The following ZNF761 variants were observed in gnomAD, a reference collection of about 807,000 sequenced individuals.
ZNF761 encodes the protein zinc finger protein 761.
Under a neutral mutation model 59.9 loss-of-function variants are expected in ZNF761, and 43 were observed. The ratio of observed to expected loss-of-function variants is 0.72; its 90% CI spans 0.56 to 0.92. The LOEUF (loss-of-function observed/expected upper bound fraction) is 0.92. Among genes scored for constraint, ZNF761 ranks in the 40% least tolerant of loss-of-function variants. The pLI is 0.00. For missense variants in ZNF761, 850 were observed against 906.1 expected (o/e 0.94, Z 0.79); for synonymous variants, 294 against 304.8 (o/e 0.96, Z 0.37).
intron 3 of ZNF761, 27 bp downstream of exon 3, chr19:53,447,310 T>C (rs1389031626): frequency 1.9e-6 from 3 of 1,611,800 alleles, no homozygotes; most frequent in Non-Finnish European, 2.5e-6. Flanking sequence ...AGTGGATTGT[T>C]CTGTCTCCTT....
At chr19:53,452,783 A>G (rs1485921496) in intron 4 of ZNF761, among the ~76,000 whole-genome samples, 1 of 152,196 alleles carries the variant, frequency 6.6e-6, no homozygotes, top group Non-Finnish European at 1.5e-5. Context: ...TTATGAAAGC[A>G]CAAGTCCTAT....
At chr19:53,434,629 T>C (rs1255423230) in intron 1 of ZNF761, among the ~76,000 whole-genome samples, 3 of 152,196 alleles carry the variant, frequency 2.0e-5, no homozygotes, top group Admixed American at 2.0e-4. Context: ...TTCCAGTGAG[T>C]CTGTAAAAGC....
chr19:53,450,027 G>A (rs1052575274), intron 4 of ZNF761: 19 of 439,988 alleles, frequency 4.3e-5, no homozygotes, highest in East Asian at 1.0e-4. Flanking sequence ...ATGTGTGGCC[G>A]GGCTTGGTGG....
chr19:53,447,886 T>G (rs1417613309), intron 3 of ZNF761, among the ~76,000 whole-genome samples: 1 of 152,210 alleles, frequency 6.6e-6, no homozygotes, highest in Non-Finnish European at 1.5e-5. Context: ...TAGCAGGAGA[T>G]TCATTAAACC....
At position 53,456,437 on chromosome 19, in the gene ZNF761, C is replaced by T. The variant is rs752661491; in HGVS notation, c.1930C>T (p.Arg644Cys). 10 of 1,607,600 alleles carry T rather than the reference C, an allele frequency of 6.2e-6. No individual in the cohort carries two copies. The highest frequency in any genetic ancestry group is 1.7e-4 in the Middle Eastern group (1 of 6,004). ...ATGTGAAGAATGTGACAAAGCTTTC[C>T]GTGTGAAATCAAACCTTGAAGGACA... ...YKCEECDKAFRVKSNLEGHRR... is the reference protein window; with the variant it reads ...YKCEECDKAFCVKSNLEGHRR... The change falls in exon 5 of 5, where the codon CGT becomes TGT. Residue 644 changes from arginine (R) to cysteine (C), a missense_variant. Arg to Cys is a radical substitution (Grantham distance 180). Coordinates refer to ENST00000684525, the MANE Select transcript of ZNF761 (RefSeq NM_001289951.2).
chr19:53,447,428 T>C (rs1230153336), intron 3 of ZNF761, 145 bp downstream of exon 3: 2 of 1,229,018 alleles, frequency 1.6e-6, no homozygotes, highest in Non-Finnish European at 1.2e-6. Context: ...GTCCCTCTTA[T>C]CTCGCTTAGA....
At chr19:53,453,155 C>A (rs2086235494) in intron 4 of ZNF761, among the ~76,000 whole-genome samples, 1 of 152,118 alleles carries the variant, frequency 6.6e-6, no homozygotes, top group Admixed American at 6.5e-5. Flanking sequence ...GCACCCACCA[C>A]CACGACCAGC....
At chr19:53,451,737 C>T (rs1051606241) in intron 4 of ZNF761, among the ~76,000 whole-genome samples, 4 of 151,310 alleles carry the variant, frequency 2.6e-5, no homozygotes, top group Admixed American at 6.6e-5. Flanking sequence ...CACATGCCAC[C>T]ACACCCGGCT....
intron 1 of ZNF761, among the ~76,000 whole-genome samples, chr19:53,435,317 T>G (rs2147120181): frequency 7.7e-6 from 1 of 129,956 alleles, no homozygotes; most frequent in East Asian, 2.5e-4. Flanking sequence ...TTTTTTTTTT[T>G]TTTTGAGATG....
At chr19:53,449,922 G>A in intron 4 of ZNF761, 2 of 611,022 alleles carry the variant, frequency 3.3e-6, no homozygotes, top group South Asian at 5.3e-5. Flanking sequence ...GATCTCCTGA[G>A]CTCAAGAGAT....
At chr19:53,432,342 C>T (rs938407745) in intron 1 of ZNF761, among the ~76,000 whole-genome samples, 1 of 152,220 alleles carries the variant, frequency 6.6e-6, no homozygotes, top group Admixed American at 6.5e-5. Flanking sequence ...GAGGTGGATT[C>T]TCGCCTTTGT....
intron 3 of ZNF761, 145 bp from the exon 4 acceptor site, chr19:53,449,367 C>G (rs942760296): frequency 6.3e-7 from 1 of 1,592,692 alleles, no homozygotes; most frequent in Non-Finnish European, 8.6e-7. Flanking sequence ...ACTGGGAAGA[C>G]AAAATGCGGT....
rs548657747 is a variant in ZNF761 at position 53,456,069 on chromosome 19, C to T, written c.1562C>T (p.Ala521Val). 27 of 1,598,562 alleles carry T rather than the reference C, an allele frequency of 1.7e-5. No homozygotes were observed. In the African/African-American group the frequency reaches 1.9e-4, roughly 11 times the overall value. ...CATAGACTTCATACTGGAGAGAAAG[C>T]TTACAAGTGTAATGAGTGCGGCAAG... ...CHHRLHTGEK[A>V]YKCNECGKTF... Residue 521 changes from alanine (A) to valine (V), a missense_variant, in exon 5 of 5, where the codon GCT becomes GTT. Transcript: ENST00000684525.
intron 1 of ZNF761, among the ~76,000 whole-genome samples, chr19:53,436,084 G>T (rs2086038991): frequency 6.6e-6 from 1 of 152,136 alleles, no homozygotes; most frequent in Non-Finnish European, 1.5e-5. Flanking sequence ...CTCAGGATCG[G>T]CTGAGTTGGA....
At chr19:53,453,800 C>G (rs2086241102) in intron 4 of ZNF761, among the ~76,000 whole-genome samples, 1 of 151,978 alleles carries the variant, frequency 6.6e-6, no homozygotes, top group Admixed American at 6.6e-5. Context: ...GGCTTCAACC[C>G]AAAAGGTGGA....
At chr19:53,445,529 G>C (rs2086147693) in intron 1 of ZNF761, among the ~76,000 whole-genome samples, 1 of 151,980 alleles carries the variant, frequency 6.6e-6, no homozygotes, top group East Asian at 1.9e-4. Context: ...GCAACTTGGA[G>C]ATGAGGGGCT....
At chr19:53,445,778 A>G (rs10414344) in intron 1 of ZNF761, among the ~76,000 whole-genome samples, 56,143 of 152,034 alleles carry the variant, frequency 0.37, 10,870 homozygotes, top group African/African-American at 0.48. Context: ...CTTTCTCTGT[A>G]TGAGGACATC....
intron 3 of ZNF761, among the ~76,000 whole-genome samples, chr19:53,447,775 A>G (rs1568809101): frequency 6.6e-6 from 1 of 152,192 alleles, no homozygotes; most frequent in African/African-American, 2.4e-5. Context: ...TCTGACTCCA[A>G]AAATCTTAGT....
intron 1 of ZNF761, among the ~76,000 whole-genome samples, chr19:53,439,270 C>A (rs866163906): frequency 7.3e-4 from 97 of 132,838 alleles, no homozygotes; most frequent in Non-Finnish European, 9.2e-4. Flanking sequence ...GACTCTGACT[C>A]AAAAAAAAAA....
Sources: gnomAD v4.1 joint callset for allele counts (sites outside exome capture counted in the v4.1 genomes callset) on GRCh38, gnomAD v4.1.1 for gene constraint, MANE v1.5 for transcripts, NCBI Gene and HGNC (gene_info 2026-07-23, HGNC 2026-07-21) for gene names.